The following CNTNAP2 variants were observed in gnomAD, a reference collection of about 807,000 sequenced individuals.
CNTNAP2 encodes contactin associated protein 2.
CNTNAP2 carries 98 observed loss-of-function variants against 155.2 expected under a neutral mutation model. The observed-to-expected ratio is 0.63, with a 90% CI of 0.54 to 0.75. The LOEUF (loss-of-function observed/expected upper bound fraction) is 0.75, where lower values mean the gene tolerates loss of function less well. Among genes scored for constraint, CNTNAP2 ranks in the 30% least tolerant of loss-of-function variants. The probability of loss-of-function intolerance (pLI) is 0.00; values close to 1 mark genes in which losing one functional copy is unlikely to be tolerated. For synonymous variants in CNTNAP2, 651 were observed against 631.2 expected, an observed-to-expected ratio of 1.03 and a Z score of -0.47; for missense variants, 1,727 against 1,688.1, an observed-to-expected ratio of 1.02 and a Z score of -0.40.
chr7:147,378,223 A>C, intron 9 of CNTNAP2: 1 of 284,370 alleles, frequency 3.5e-6, no homozygotes, highest in Non-Finnish European at 7.0e-6. Context: ...CAGTTTACAA[A>C]CTCACTCTGT....
At chr7:147,953,907 A>AATCAAGTCATAC (rs1800978266) in intron 14 of CNTNAP2, among the ~76,000 whole-genome samples, 1 of 152,084 alleles carries the variant, frequency 6.6e-6, no homozygotes, top group Non-Finnish European at 1.5e-5. Context: ...GGCCCATCTT[A>AATCAAGTCATAC]ATCAAGTATG....
intron 13 of CNTNAP2, among the ~76,000 whole-genome samples, chr7:147,835,043 T>C (rs1798612486): frequency 6.6e-6 from 1 of 151,998 alleles, no homozygotes; most frequent in Non-Finnish European, 1.5e-5. Context: ...GATCTGCCAA[T>C]AAGGATAAAA....
chr7:146,963,414 A>T (rs1797593805), intron 3 of CNTNAP2, among the ~76,000 whole-genome samples: 1 of 152,168 alleles, frequency 6.6e-6, no homozygotes. Flanking sequence ...AAATGTCCTA[A>T]ACATGTGTTA....
intron 21 of CNTNAP2, among the ~76,000 whole-genome samples, chr7:148,301,754 G>A (rs1357860072): frequency 1.3e-5 from 2 of 152,186 alleles, no homozygotes; most frequent in African/African-American, 4.8e-5. Context: ...AGGTGAGCAG[G>A]CTTCACCACA....
chr7:148,135,973 G>GAGGAAGGAAGGAATGAAGGAAGGAAGGA (rs1554476169), intron 16 of CNTNAP2, among the ~76,000 whole-genome samples: 3 of 40,148 alleles, frequency 7.5e-5, no homozygotes, highest in East Asian at 8.2e-4. Flanking sequence ...GGAAGAGAGG[G>GAGGAAGGAAGGAATGAAGGAAGGAAGGA]AGGAAGGAAG....
At chr7:146,151,669 T>A (rs11971616) in intron 1 of CNTNAP2, among the ~76,000 whole-genome samples, 1 of 44,562 alleles carries the variant, frequency 2.2e-5, no homozygotes, top group African/African-American at 9.1e-5. Flanking sequence ...TATATATATA[T>A]ATATATATAT....
intron 1 of CNTNAP2, among the ~76,000 whole-genome samples, chr7:146,415,807 T>C (rs917429555): frequency 5.3e-5 from 8 of 152,150 alleles, no homozygotes; most frequent in African/African-American, 1.9e-4. Flanking sequence ...TATTTATATA[T>C]GTAAAATGAG....
At chr7:146,198,597 G>C (rs539962613) in intron 1 of CNTNAP2, among the ~76,000 whole-genome samples, 3 of 152,082 alleles carry the variant, frequency 2.0e-5, no homozygotes, top group African/African-American at 4.8e-5. Flanking sequence ...AACCATCTAC[G>C]TTATGGTATC....
chr7:147,401,016 A>C (rs1047971284), intron 10 of CNTNAP2, among the ~76,000 whole-genome samples: 1 of 152,204 alleles, frequency 6.6e-6, no homozygotes, highest in Non-Finnish European at 1.5e-5. Context: ...AAGAAAAGAT[A>C]ATACTTTTTG....
At chr7:147,117,838 A>T (rs6958777) in intron 5 of CNTNAP2, among the ~76,000 whole-genome samples, 68,241 of 151,986 alleles carry the variant, frequency 0.45, 17,120 homozygotes, top group Middle Eastern at 0.63. Flanking sequence ...CACATTAAAG[A>T]TCTGATCTGA....
chr7:146,205,195 C>A (rs73452100), intron 1 of CNTNAP2, among the ~76,000 whole-genome samples: 2,248 of 151,948 alleles, frequency 0.015, 57 homozygotes, highest in African/African-American at 0.05. Flanking sequence ...TTCTCCCTAC[C>A]ATCACATTTA....
intron 1 of CNTNAP2, among the ~76,000 whole-genome samples, chr7:146,395,143 C>T (rs1162855372): frequency 6.6e-6 from 1 of 152,126 alleles, no homozygotes; most frequent in Non-Finnish European, 1.5e-5. Context: ...TCGCATCATC[C>T]ACTGATGGAC....
At chr7:148,119,938 C>G (rs1050841707) in intron 16 of CNTNAP2, among the ~76,000 whole-genome samples, 9 of 151,694 alleles carry the variant, frequency 5.9e-5, no homozygotes, top group African/African-American at 2.2e-4. Flanking sequence ...TTAAAATCCC[C>G]CCTTTACTGA....
At chr7:148,043,015 C>G (rs1802707217) in intron 15 of CNTNAP2, among the ~76,000 whole-genome samples, 1 of 152,146 alleles carries the variant, frequency 6.6e-6, no homozygotes, top group Admixed American at 6.5e-5. Context: ...TAAATGCTCT[C>G]CAGACAATTT....
At chr7:147,787,886 C>T in intron 13 of CNTNAP2, among the ~76,000 whole-genome samples, 1 of 152,120 alleles carries the variant, frequency 6.6e-6, no homozygotes, top group Middle Eastern at 3.2e-3. Context: ...GTTGCTTAAG[C>T]AAAATGTATA....
chr7:147,529,919 T>C (rs1290448504), intron 11 of CNTNAP2, among the ~76,000 whole-genome samples: 1 of 152,218 alleles, frequency 6.6e-6, no homozygotes, highest in Non-Finnish European at 1.5e-5. Context: ...GGTCCCAATC[T>C]AATAAAAGTT....
At chr7:146,904,214 T>G (rs1434584564) in intron 3 of CNTNAP2, among the ~76,000 whole-genome samples, 1 of 152,098 alleles carries the variant, frequency 6.6e-6, no homozygotes, top group Non-Finnish European at 1.5e-5. Context: ...GTTGTTACTC[T>G]AGCATAGCAA....
chr7:147,905,909 AC>A lies in CNTNAP2; in HGVS notation c.2255+2189del, dbSNP rs1212296821. On this transcript the variant is annotated intron_variant, in intron 14 of 23. Transcript: ENST00000361727. Reference sequence around the variant, plus strand: ...TCCATCTCAAAAAACAAACAAACAAACAAACAAAAAAAAACTGATGGAAGAA... The same window carrying A: ...TCCATCTCAAAAAACAAACAAACAAAAAACAAAAAAAAACTGATGGAAGAA... Among the ~76,000 whole-genome samples the A allele has an allele frequency of 2.9e-3, 435 of 150,680 alleles. 2 individuals carry two copies. The highest frequency in any genetic ancestry group is 9.6e-3 in the African/African-American group (393 of 41,048).
At chr7:147,544,886 C>T (rs1799703975) in intron 11 of CNTNAP2, among the ~76,000 whole-genome samples, 1 of 152,082 alleles carries the variant, frequency 6.6e-6, no homozygotes, top group Non-Finnish European at 1.5e-5. Context: ...TTTGCTCTTC[C>T]TTTATCTTTC....
Sources: allele counts gnomAD v4.1 joint callset (sites outside exome capture counted in the v4.1 genomes callset), GRCh38; gene constraint gnomAD v4.1.1; transcripts MANE v1.5; gene names NCBI Gene and HGNC (gene_info 2026-07-23, HGNC 2026-07-21).